The following TOMM40 variants were observed in gnomAD, a reference collection of about 807,000 sequenced individuals.
The protein encoded by TOMM40 is translocase of outer mitochondrial membrane 40, also known as mitochondrial import receptor subunit TOM40 homolog.
In TOMM40, 9 loss-of-function variants were observed where a neutral mutation model predicts 38.4. That is an observed-to-expected ratio of 0.23 (90% confidence interval 0.14 to 0.41). TOMM40 has a LOEUF of 0.41. Among genes scored for constraint, TOMM40 ranks in the 10% least tolerant of loss-of-function variants. The pLI is 1.00. For synonymous variants in TOMM40, 184 were observed against 210.0 expected, an observed-to-expected ratio of 0.88 and a Z score of 1.07; for missense variants, 299 against 486.5, an observed-to-expected ratio of 0.61 and a Z score of 3.63.
chr19:44,893,624 C>T (rs1052524227), intron 3 of TOMM40, among the ~76,000 whole-genome samples, 156 bp from the exon 4 acceptor site: 7 of 152,178 alleles, frequency 4.6e-5, no homozygotes, highest in Non-Finnish European at 7.4e-5. Context: ...ACCCAAAGGT[C>T]GGGGAGCCTA....
chr19:44,899,618 AT>A (rs139644294), intron 5 of TOMM40, among the ~76,000 whole-genome samples: 7,212 of 143,446 alleles, frequency 0.05, 223 homozygotes, highest in African/African-American at 0.097. Flanking sequence ...CCTGGCCTTG[AT>A]TTTTTTTTTT....
At chr19:44,900,613 G>A (rs963258600) in intron 5 of TOMM40, 117 bp from the exon 6 acceptor site, 20 of 1,582,926 alleles carry the variant, frequency 1.3e-5, no homozygotes, top group Non-Finnish European at 1.6e-5. Context: ...GAGCCCTTGA[G>A]GGAGGCCTGA....
rs561452578 is a variant in TOMM40 at position 44,901,286 on chromosome 19, C to A, written c.922C>A (p.Pro308Thr). 1.2e-6 allele frequency: 2 copies of A among 1,613,996 alleles called. No homozygotes were observed. Among genetic ancestry groups the A allele is most frequent in the East Asian group, 2.2e-5 (1 of 44,882 alleles). The change falls in exon 8 of 9, where the codon CCC becomes ACC. Residue 308 changes from proline (P) to threonine (T), a missense_variant. By Grantham distance (38) the Pro-to-Thr change is conservative (BLOSUM62 -1). Transcript: ENST00000426677. ...SVSFGYQLDL[P>T]KANLLFKGSV... Reference sequence around the variant, plus strand: ...CTCCTTCGGGTACCAGCTGGACCTGCCCAAGGCCAACCTCCTCTTCAAAGG... The same window carrying A: ...CTCCTTCGGGTACCAGCTGGACCTGACCAAGGCCAACCTCCTCTTCAAAGG...
At chr19:44,896,002 T>C (rs1308268688) in intron 5 of TOMM40, among the ~76,000 whole-genome samples, 1 of 152,170 alleles carries the variant, frequency 6.6e-6, no homozygotes, top group Non-Finnish European at 1.5e-5. Flanking sequence ...TCGTCCACCA[T>C]TGTCCCCATC....
At chr19:44,896,675 CT>C (rs1969571315) in intron 5 of TOMM40, among the ~76,000 whole-genome samples, 1 of 152,124 alleles carries the variant, frequency 6.6e-6, no homozygotes, top group Non-Finnish European at 1.5e-5. Context: ...GTGACAGCTC[CT>C]TTTCTGCTTC....
At chr19:44,899,975 C>G (rs996200729) in intron 5 of TOMM40, among the ~76,000 whole-genome samples, 1 of 151,904 alleles carries the variant, frequency 6.6e-6, no homozygotes, top group Non-Finnish European at 1.5e-5. Flanking sequence ...CTCTCTATTT[C>G]CCACTCTCTT....
intron 5 of TOMM40, 137 bp downstream of exon 5, chr19:44,894,203 C>A: frequency 1.8e-6 from 1 of 561,882 alleles, no homozygotes; most frequent in Non-Finnish European, 3.0e-6. Flanking sequence ...CATCAGGCAA[C>A]ATACTACAGT....
rs148227937 is a variant in TOMM40 at position 44,893,761 on chromosome 19, C to T, written c.436-19C>T. On this transcript the variant is annotated intron_variant, in intron 3 of 8. Transcript: ENST00000426677. ...ACAGTGCACCACCTCTGACCCCTTC[C>T]GTTCTCTCTGCCTCACAGGCGTTCC... is the stretch of plus-strand genomic sequence containing the variant. 159 of 1,608,552 alleles carry T rather than the reference C, an allele frequency of 9.9e-5. 2 individuals carry two copies. In the East Asian group the frequency reaches 2.4e-3, roughly 24 times the overall value.
chr19:44,897,786 A>G (rs1969594513), intron 5 of TOMM40, among the ~76,000 whole-genome samples: 1 of 147,946 alleles, frequency 6.8e-6, no homozygotes, highest in Non-Finnish European at 1.5e-5. Context: ...CAAAAAAAAA[A>G]AAAAAGAGAG....
chr19:44,892,705 T>A (rs1185223857), intron 2 of TOMM40, 132 bp from the exon 3 acceptor site: 4 of 824,572 alleles, frequency 4.9e-6, no homozygotes, highest in Non-Finnish European at 8.2e-6. Context: ...AGCACCTCCT[T>A]TCTCTGAGTC....
chr19:44,897,651 G>A (rs1369230409), intron 5 of TOMM40, among the ~76,000 whole-genome samples: 1 of 151,534 alleles, frequency 6.6e-6, no homozygotes, highest in Non-Finnish European at 1.5e-5. Context: ...GCACATGCGT[G>A]TAATCCCAGG....
chr19:44,901,834 C>T (rs1969690416), intron 8 of TOMM40: 1 of 154,586 alleles, frequency 6.5e-6, no homozygotes, highest in Non-Finnish European at 1.4e-5. Flanking sequence ...CGCCTGTAAT[C>T]CCAGCATTTT....
At chr19:44,893,558 G>T (rs1969507974) in intron 3 of TOMM40, among the ~76,000 whole-genome samples, 1 of 152,222 alleles carries the variant, frequency 6.6e-6, no homozygotes, top group South Asian at 2.1e-4. Context: ...GTGGGGCAGG[G>T]GACAGACTGT....
chr19:44,901,081 T>C lies in TOMM40; in HGVS notation c.820T>C (p.Tyr274His). The change falls in exon 7 of 9, where the codon TAC (tyrosine) becomes CAC (histidine). Residue 274 changes from tyrosine (Y) to histidine (H), a missense_variant. By Grantham distance (83) the Tyr-to-His change is moderately conservative (BLOSUM62 2). Transcript: ENST00000426677. ...GGGCCAGGCGGGCATGCACGCAACATACTACCACAAAGCCAGTGACCAGGT... is the reference window on the plus strand; with the variant it reads ...GGGCCAGGCGGGCATGCACGCAACACACTACCACAAAGCCAGTGACCAGGT... ...TLGQAGMHAT[Y>H]YHKASDQLQV... is the part of the protein sequence containing the mutation. 2 of 1,614,212 alleles carry C rather than the reference T, an allele frequency of 1.2e-6. No individual in the cohort carries two copies. Among genetic ancestry groups the C allele is most frequent in the Non-Finnish European group, 1.7e-6 (2 of 1,180,024 alleles).
At chr19:44,901,447 T>A (rs1171219443) in intron 8 of TOMM40, 137 bp downstream of exon 8, 1 of 1,483,680 alleles carries the variant, frequency 6.7e-7, no homozygotes, top group Non-Finnish European at 9.0e-7. Context: ...GAACACTTGT[T>A]AAAAGGTAGG....
chr19:44,895,766 C>T (rs118111371), intron 5 of TOMM40, among the ~76,000 whole-genome samples: 48 of 152,166 alleles, frequency 3.2e-4, no homozygotes, highest in Non-Finnish European at 6.2e-4. Flanking sequence ...AGGCTGATCT[C>T]GAACTTCTTA....
rs1488151526 is a variant in TOMM40 at position 44,897,793 on chromosome 19, AG to A, written c.644-2936del. 6.0e-3 allele frequency among the ~76,000 whole-genome samples: 705 copies of A among 117,734 alleles called. 14 individuals carry two copies. Among genetic ancestry groups the A allele is most frequent in the African/African-American group, 0.021 (668 of 31,144 alleles). 77.2% of individuals were successfully genotyped at this position (117,734 alleles called of 152,430 possible). Reference sequence around the variant, plus strand: ...CCCCATCTCAAAAAAAAAAAAAAAGAGAGAGAGAGGGAGAGATGGGGGTCTC... The same window carrying A: ...CCCCATCTCAAAAAAAAAAAAAAAGAAGAGAGAGGGAGAGATGGGGGTCTC... On this transcript the variant is annotated intron_variant, in intron 5 of 8. Coordinates refer to ENST00000426677, the MANE Select transcript of TOMM40 (RefSeq NM_001128917.2).
chr19:44,894,695 T>C (rs116881820), intron 5 of TOMM40, among the ~76,000 whole-genome samples: 4,114 of 152,320 alleles, frequency 0.027, 59 homozygotes, highest in African/African-American at 0.041. Flanking sequence ...TCCAAAGTGC[T>C]GGGATGACAG....
In TOMM40 at chr19:44,893,834, G is replaced by T. The variant is rs759671017; in HGVS notation, c.490G>T (p.Val164Phe). The change falls in exon 4 of 9, where the codon GTC becomes TTC. Residue 164 changes from valine (V) to phenylalanine (F), a missense_variant. Coordinates refer to ENST00000426677, the MANE Select transcript of TOMM40 (RefSeq NM_001128917.2). Reference sequence around the variant, plus strand: ...CAACAGTGGCAGTCTCAACGCTCAGGTCATTCACCAGCTGGGCCCCGGTCT... The same window carrying T: ...CAACAGTGGCAGTCTCAACGCTCAGTTCATTCACCAGCTGGGCCCCGGTCT... Reference protein sequence around the residue: ...MDNSGSLNAQVIHQLGPGLRS... With the variant: ...MDNSGSLNAQFIHQLGPGLRS... 1.9e-6 allele frequency: 3 copies of T among 1,612,294 alleles called. No homozygotes were observed. The highest frequency in any genetic ancestry group is 2.5e-6 in the Non-Finnish European group (3 of 1,180,020).
Sources: allele counts gnomAD v4.1 joint callset (sites outside exome capture counted in the v4.1 genomes callset), GRCh38; gene constraint gnomAD v4.1.1; transcripts MANE v1.5; gene names NCBI Gene and HGNC (gene_info 2026-07-23, HGNC 2026-07-21).